DDX6: variants seen among roughly 807,000 people sequenced by gnomAD.
The protein encoded by DDX6 is probable ATP-dependent RNA helicase DDX6.
Under a neutral mutation model 60.6 loss-of-function variants are expected in DDX6, and 7 were observed. The observed-to-expected ratio is 0.12, with a 90% confidence interval of 0.07 to 0.22. The LOEUF is 0.22. DDX6 is among the 10% of genes least tolerant of loss of function. DDX6 has a pLI of 1.00. For synonymous variants in DDX6, 207 were observed against 201.0 expected (o/e 1.03, Z -0.25); for missense variants, 270 against 589.9 (o/e 0.46, Z 5.62).
At chr11:118,757,345 C>T (rs1861011047) in intron 9 of DDX6, 58 bp from the exon 10 acceptor site, 2 of 972,418 alleles carry the variant, frequency 2.1e-6, no homozygotes, top group East Asian at 5.9e-5. Flanking sequence ...TTTGGTTTGC[C>T]AAATCTTGAA....
chr11:118,764,621 G>A (rs200219593), intron 6 of DDX6, among the ~76,000 whole-genome samples: 1 of 152,108 alleles, frequency 6.6e-6, no homozygotes, highest in East Asian at 1.9e-4. Context: ...TGGCTAATAC[G>A]GTGAAACCCC....
At chr11:118,779,530 G>T (rs1375191303) in intron 4 of DDX6, 102 bp downstream of exon 4, 2 of 708,512 alleles carry the variant, frequency 2.8e-6, no homozygotes, top group Non-Finnish European at 4.7e-6. Context: ...GTATACGTGA[G>T]AGAGAAATGT....
chr11:118,780,342 G>A (rs1253568773), intron 3 of DDX6, among the ~76,000 whole-genome samples: 1 of 151,948 alleles, frequency 6.6e-6, no homozygotes, highest in Non-Finnish European at 1.5e-5. Flanking sequence ...TCGAGAGATG[G>A]AGTCTCGCTC....
In DDX6 at chr11:118,781,160, A is replaced by G. The variant is rs782011255; in HGVS notation, c.225T>C (p.Thr75=). The G allele has an allele frequency of 6.2e-7, 1 of 1,606,636 alleles. No individual in the cohort carries two copies. The highest frequency in any genetic ancestry group is 8.5e-7 in the Non-Finnish European group (1 of 1,175,630). Residue 75 remains threonine (T), a synonymous_variant, in exon 3 of 14, where the codon ACT becomes ACC. Transcript: ENST00000534980. The part of the protein sequence containing the change: ...TIKPGDDWKK[T]LKLPPKDLRI... The stretch of plus-strand genomic sequence containing the variant: ...TTAGATCCTTTGGAGGGAGTTTTAA[A>G]GTCTTTTTCCAGTCATCACCAGGTC...
chr11:118,754,631 A>G (rs1187624533), intron 13 of DDX6, 74 bp downstream of exon 13: 10 of 1,392,596 alleles, frequency 7.2e-6, no homozygotes, highest in Middle Eastern at 1.8e-4. Flanking sequence ...TGTGACATCA[A>G]ATTTCCCCCA....
At chr11:118,774,986 T>TG (rs1861651111) in intron 4 of DDX6, among the ~76,000 whole-genome samples, 1 of 151,378 alleles carries the variant, frequency 6.6e-6, no homozygotes, top group African/African-American at 2.4e-5. Flanking sequence ...ACCAGGGGGG[T>TG]GATGGGTGCA....
At chr11:118,784,756 CTT>C (rs779425136) in intron 2 of DDX6, among the ~76,000 whole-genome samples, 1 of 134,996 alleles carries the variant, frequency 7.4e-6, no homozygotes, top group Non-Finnish European at 1.6e-5. Context: ...CGCACCTGGC[CTT>C]TTTTTTTTTT....
chr11:118,758,804 T>C lies in DDX6; in HGVS notation c.963A>G (p.Lys321=), dbSNP rs1267001543. The change falls in exon 9 of 14, where the codon AAA becomes AAG. Residue 321 remains lysine, a synonymous_variant. Coordinates refer to ENST00000534980, the MANE Select transcript of DDX6 (RefSeq NM_004397.6). ...QYYAYVTERQ[K]VHCLNTLFSR... is the part of the protein sequence containing the mutation. Reference sequence around the variant, plus strand: ...AGAAAAGTGTGTTGAGGCAGTGTACTTTTTGGCGCTCAGTTACATATGCGT... The same window carrying C: ...AGAAAAGTGTGTTGAGGCAGTGTACCTTTTGGCGCTCAGTTACATATGCGT... 3 of 1,613,456 alleles carry C rather than the reference T, an allele frequency of 1.9e-6. No homozygotes were observed. The highest frequency in any genetic ancestry group is 1.7e-6 in the Non-Finnish European group (2 of 1,179,678).
intron 4 of DDX6, among the ~76,000 whole-genome samples, chr11:118,774,464 CTTTTTTTT>C (rs11442846): frequency 8.6e-6 from 1 of 116,406 alleles, no homozygotes; most frequent in African/African-American, 3.2e-5. Flanking sequence ...CTCTAACAGT[CTTTTTTTT>C]TTTTTTTTTT....
At position 118,752,053 on chromosome 11, in the gene DDX6, C is replaced by T. The variant is rs1471780163; in HGVS notation, c.*52G>A. On this transcript the variant is annotated 3_prime_UTR_variant, in exon 14 of 14. Transcript: ENST00000534980. ...AAAGAGAGGAGCATTCCCCCCAAAA[C>T]GATGTGTCACAGATCCAAACGAGCC... 2.1e-5 allele frequency: 5 copies of T among 239,896 alleles called. No individual in the cohort carries two copies. The highest frequency in any genetic ancestry group is 4.2e-5 in the South Asian group (1 of 23,704). The allele number at this position is 239,896 out of a possible 1,614,324, so 14.9% of individuals were successfully genotyped here.
At chr11:118,789,658 C>A (rs948648961) in intron 1 of DDX6, 1 of 152,142 alleles carries the variant, frequency 6.6e-6, no homozygotes, top group Admixed American at 6.6e-5. Context: ...ATATTATGAT[C>A]AGCGATATCA....
Position 118,748,448 on chromosome 11 carries a change from C to A in DDX6, c.*3657G>T, listed in dbSNP as rs552367368. 1.3e-4 allele frequency: 20 copies of A among 152,208 alleles called. No individual in the cohort carries two copies. Among genetic ancestry groups the A allele is most frequent in the African/African-American group, 4.8e-4 (20 of 41,516 alleles). The allele number at this position is 152,208 out of a possible 1,614,324, so 9.4% of individuals were successfully genotyped here. ...TCTCACAGAAGTCCACTAAAGTTCA[C>A]CAAAAAGCTGACTTACTTCAGCTCT... On this transcript the variant is annotated 3_prime_UTR_variant, in exon 14 of 14. Transcript: ENST00000534980.
intron 3 of DDX6, among the ~76,000 whole-genome samples, 181 bp downstream of exon 3, chr11:118,780,940 T>C (rs1555164560): frequency 6.6e-6 from 1 of 152,204 alleles, no homozygotes; most frequent in Admixed American, 6.5e-5. Flanking sequence ...CTGCTGAGCA[T>C]TTGTTTTCTC....
chr11:118,770,931 T>G (rs2137488750), intron 4 of DDX6, among the ~76,000 whole-genome samples: 1 of 151,916 alleles, frequency 6.6e-6, no homozygotes, highest in South Asian at 2.1e-4. Context: ...ACTGTTGTCT[T>G]GTTCTTACAG....
chr11:118,756,842 C>T (rs1215440130), intron 10 of DDX6, among the ~76,000 whole-genome samples: 1 of 151,614 alleles, frequency 6.6e-6, no homozygotes, highest in Non-Finnish European at 1.5e-5. Context: ...TAAATTGCCA[C>T]ATGTGGCTAT....
At position 118,768,362 on chromosome 11, in the gene DDX6, A is replaced by G. The variant is rs782590461; in HGVS notation, c.370-10T>C. Reference sequence around the variant, plus strand: ...TGGGAATGCTCTCCTCCTAAAAGAGATAAGACAATACAAAATTACTTCTGA... The same window carrying G: ...TGGGAATGCTCTCCTCCTAAAAGAGGTAAGACAATACAAAATTACTTCTGA... On this transcript the variant is annotated splice_polypyrimidine_tract_variant and intron_variant, in intron 4 of 13. Transcript: ENST00000534980. The G allele has an allele frequency of 4.3e-6, 7 of 1,611,150 alleles. No individual in the cohort carries two copies. Among genetic ancestry groups the G allele is most frequent in the South Asian group, 3.3e-5 (3 of 90,940 alleles).
At chr11:118,762,987 T>G (rs2137450443) in intron 7 of DDX6, among the ~76,000 whole-genome samples, 1 of 152,342 alleles carries the variant, frequency 6.6e-6, no homozygotes, top group South Asian at 2.1e-4. Flanking sequence ...TAAAACCTAA[T>G]GTCTGCTATC....
At position 118,757,125 on chromosome 11, in the gene DDX6, A is replaced by G. The variant is rs956348598; in HGVS notation, c.1110+46T>C. Reference sequence around the variant, plus strand: ...AAAGAACATTAAAACAAAATAAAGAAAGAGATTTCTTATTAAATTTGTGCA... The same window carrying G: ...AAAGAACATTAAAACAAAATAAAGAGAGAGATTTCTTATTAAATTTGTGCA... On this transcript the variant is annotated intron_variant, in intron 10 of 13. Coordinates refer to ENST00000534980, the MANE Select transcript of DDX6 (RefSeq NM_004397.6). The G allele has an allele frequency of 9.0e-6, 9 of 996,978 alleles. No individual in the cohort carries two copies. The Admixed American group carries it at 9.9e-5, about 11-fold the overall frequency. The allele number at this position is 996,978 out of a possible 1,614,324, so 61.8% of individuals were successfully genotyped here.
At chr11:118,772,001 AATAGCC>A (rs1421127530) in intron 4 of DDX6, among the ~76,000 whole-genome samples, 1 of 148,260 alleles carries the variant, frequency 6.7e-6, no homozygotes, top group Non-Finnish European at 1.5e-5. Flanking sequence ...CATTATCCTT[AATAGCC>A]AGTTCCTTCT....
Sources: gnomAD v4.1 joint callset for allele counts (sites outside exome capture counted in the v4.1 genomes callset) on GRCh38, gnomAD v4.1.1 for gene constraint, MANE v1.5 for transcripts, NCBI Gene and HGNC (gene_info 2026-07-23, HGNC 2026-07-21) for gene names.